The following KLHL5 variants were observed in gnomAD, a reference collection of about 807,000 sequenced individuals.
KLHL5 encodes the protein kelch like family member 5, also known as kelch-like protein 5.
A neutral mutation model predicts 77.7 loss-of-function variants in KLHL5; 48 were observed. The ratio of observed to expected loss-of-function variants is 0.62; its 90% CI spans 0.49 to 0.79. The LOEUF (loss-of-function observed/expected upper bound fraction) is 0.79, where lower values mean the gene tolerates loss of function less well. Among genes scored for constraint, KLHL5 ranks in the 30% least tolerant of loss-of-function variants. The pLI, the probability that KLHL5 is intolerant of heterozygous loss-of-function variation, is 0.00. For synonymous variants in KLHL5, 260 were observed against 297.0 expected, an observed-to-expected ratio of 0.88 and a Z score of 1.28; for missense variants, 723 against 859.7, an observed-to-expected ratio of 0.84 and a Z score of 1.99.
In KLHL5 at chr4:39,083,511, A is replaced by G. The variant is rs536284391; in HGVS notation, c.900+1352A>G. ...GAGTCTCAACTGAAAAAATAAAGAG[A>G]TTGTACAACAGGATGATAATATATA... is the stretch of plus-strand genomic sequence containing the variant. On this transcript the variant is annotated intron_variant, in intron 4 of 10. Transcript: ENST00000504108. 3.3e-5 allele frequency among the ~76,000 whole-genome samples: 5 copies of G among 152,304 alleles called. No homozygotes were observed. The South Asian group carries it at 1.0e-3, about 32-fold the overall frequency.
intron 2 of KLHL5, 151 bp from the exon 3 acceptor site, chr4:39,080,952 G>C (rs1437339860): frequency 3.0e-6 from 2 of 656,346 alleles, no homozygotes; most frequent in African/African-American, 3.7e-5. Flanking sequence ...TCAAAGGAAG[G>C]AACTAGAGCA....
chr4:39,062,243 GA>G lies in KLHL5; in HGVS notation c.-409del, dbSNP rs1186162874. The G allele has an allele frequency of 4.3e-5, 54 of 1,261,098 alleles. 1 individual carries two copies. The highest frequency in any genetic ancestry group is 4.8e-5 in the Non-Finnish European group (48 of 1,000,386). The allele number at this position is 1,261,098 out of a possible 1,614,324, so 78.1% of individuals were successfully genotyped here. A position where few individuals can be genotyped will look rare whatever the true frequency, so the allele number is the denominator to read the frequency against. On this transcript the variant is annotated 5_prime_UTR_variant, in exon 1 of 11. Transcript: ENST00000504108. The stretch of plus-strand genomic sequence containing the variant: ...GCAGAGACTGAGATACTGCAACGGG[GA>G]TAGTGTTTTCTGTCTCTGTCATTTG...
chr4:39,059,940 A>G (rs1717274528), upstream of KLHL5, among the ~76,000 whole-genome samples: 1 of 152,130 alleles, frequency 6.6e-6, no homozygotes, highest in African/African-American at 2.4e-5. Context: ...CAACCCAGCA[A>G]GTCCACTCCT....
At position 39,081,002 on chromosome 4, in the gene KLHL5, C is replaced by T. The variant is rs908884725; in HGVS notation, c.567-101C>T. 8.6e-7 allele frequency: 1 copy of T among 1,158,096 alleles called. No individual in the cohort carries two copies. Among genetic ancestry groups the T allele is most frequent in the African/African-American group, 1.5e-5 (1 of 64,806 alleles). 71.7% of individuals were successfully genotyped at this position (1,158,096 alleles called of 1,614,324 possible). ...AAGCTTAAAATGCATTTCCTAGTAC[C>T]ATGCACTGTGAGTAACAAATAAAAA... On this transcript the variant is annotated intron_variant, in intron 2 of 10. Coordinates refer to ENST00000504108, the MANE Select transcript of KLHL5 (RefSeq NM_015990.5). This position sits in a 1 kb window ranked among gnomAD's most constrained non-coding sequence, Gnocchi z 4.3.
intron 1 of KLHL5, among the ~76,000 whole-genome samples, 198 bp from the exon 2 acceptor site, chr4:39,075,767 T>C (rs549390688): frequency 6.6e-6 from 1 of 152,360 alleles, no homozygotes; most frequent in Non-Finnish European, 1.5e-5. Context: ...TATATTCACT[T>C]ACAGTGTTTA....
chr4:39,071,032 T>C (rs1718428574), intron 1 of KLHL5, among the ~76,000 whole-genome samples: 1 of 152,152 alleles, frequency 6.6e-6, no homozygotes, highest in Admixed American at 6.5e-5. Context: ...ATATAAAAGC[T>C]TCTATTTATA....
chr4:39,047,365 C>T (rs1399720492), intron 1 of KLHL5, among the ~76,000 whole-genome samples: 1 of 152,188 alleles, frequency 6.6e-6, no homozygotes, highest in African/African-American at 2.4e-5. Flanking sequence ...TTGCAGTGAG[C>T]TGAGATGGTG....
downstream of KLHL5, among the ~76,000 whole-genome samples, chr4:39,128,908 G>C (rs1038782018): frequency 3.3e-5 from 5 of 152,182 alleles, no homozygotes; most frequent in African/African-American, 1.2e-4. Flanking sequence ...CAAGGCTGCA[G>C]TGAGCTACGA....
intron 5 of KLHL5, chr4:39,093,422 G>A: frequency 2.2e-6 from 1 of 455,892 alleles, no homozygotes; most frequent in Non-Finnish European, 4.4e-6. Context: ...TTATGGTAAT[G>A]GTTCCACAAC....
chr4:39,087,109 C>T (rs1314260519), intron 5 of KLHL5, among the ~76,000 whole-genome samples: 1 of 151,854 alleles, frequency 6.6e-6, no homozygotes, highest in Non-Finnish European at 1.5e-5. Context: ...TAGGGTTTCA[C>T]CATATTGGCC....
At chr4:39,104,017 G>GGTTGA (rs1327162444) in intron 7 of KLHL5, among the ~76,000 whole-genome samples, 3 of 148,258 alleles carry the variant, frequency 2.0e-5, no homozygotes, top group African/African-American at 7.4e-5. Flanking sequence ...GTGAAGGTAT[G>GGTTGA]GTTGAGTTTA....
intron 1 of KLHL5, 67 bp downstream of exon 1, chr4:39,063,102 T>A (rs1384629158): frequency 1.2e-5 from 13 of 1,087,594 alleles, no homozygotes; most frequent in Non-Finnish European, 1.7e-5. Context: ...TTTAAATAAT[T>A]TAGTATTTAT....
At chr4:39,118,620 G>A (rs953497667) in intron 10 of KLHL5, among the ~76,000 whole-genome samples, 1 of 152,144 alleles carries the variant, frequency 6.6e-6, no homozygotes, top group Non-Finnish European at 1.5e-5. Context: ...GCTGGGCGTG[G>A]TGGCGTGCAC....
intron 1 of KLHL5, among the ~76,000 whole-genome samples, chr4:39,048,423 C>A (rs1476808617): frequency 6.6e-6 from 1 of 152,092 alleles, no homozygotes; most frequent in East Asian, 1.9e-4. Context: ...GCTGAGTATA[C>A]CAGGCAGGAT....
intron 5 of KLHL5, chr4:39,093,330 G>T (rs1291191736): frequency 4.0e-5 from 18 of 450,212 alleles, no homozygotes; most frequent in Non-Finnish European, 7.6e-5. Flanking sequence ...ATTAGTGCTT[G>T]GGAGAGAAGA....
intron 5 of KLHL5, among the ~76,000 whole-genome samples, chr4:39,094,198 G>T (rs1010014198): frequency 6.6e-6 from 1 of 151,862 alleles, no homozygotes. Context: ...AGGGAATTTG[G>T]TAAAGTAATA....
chr4:39,074,515 G>A (rs1718821774), intron 1 of KLHL5, among the ~76,000 whole-genome samples: 1 of 152,162 alleles, frequency 6.6e-6, no homozygotes, highest in African/African-American at 2.4e-5. Context: ...TGATGTAATA[G>A]TTCATTTCCA....
At chr4:39,088,138 TC>T (rs1362504914) in intron 5 of KLHL5, among the ~76,000 whole-genome samples, 1 of 152,206 alleles carries the variant, frequency 6.6e-6, no homozygotes, top group African/African-American at 2.4e-5. Flanking sequence ...ATTTGAAAAA[TC>T]CGATTCGACT....
chr4:39,084,625 AGAATG>A (rs1021489402), intron 4 of KLHL5, among the ~76,000 whole-genome samples: 1 of 152,240 alleles, frequency 6.6e-6, no homozygotes, highest in Non-Finnish European at 1.5e-5. Flanking sequence ...AAGTTATACT[AGAATG>A]GAATGGGCAT....
Sources: allele counts gnomAD v4.1 joint callset (sites outside exome capture counted in the v4.1 genomes callset), GRCh38; gene constraint gnomAD v4.1.1; non-coding constraint Gnocchi (gnomAD v3.1); transcripts MANE v1.5; gene names NCBI Gene and HGNC (gene_info 2026-07-23, HGNC 2026-07-21).